Variants in IBTK observed in about 807,000 individuals in gnomAD.
IBTK encodes the protein inhibitor of Bruton tyrosine kinase.
IBTK carries 83 observed loss-of-function variants against 154.9 expected under a neutral mutation model. That is an observed-to-expected ratio of 0.54 (90% CI 0.45 to 0.64). The LOEUF (loss-of-function observed/expected upper bound fraction) is 0.64. Ranked by LOEUF, IBTK falls within the 30% of genes least tolerant of loss-of-function variation. The pLI, the probability that IBTK is intolerant of heterozygous loss-of-function variation, is 0.00. For synonymous variants in IBTK, 515 were observed against 536.1 expected (o/e 0.96, Z 0.54); for missense variants, 1,332 against 1,584.6 (o/e 0.84, Z 2.71).
rs775526263 is a variant in IBTK at position 82,218,014 on chromosome 6, C to T, written c.1372G>A (p.Glu458Lys). The change falls in exon 10 of 29, where the codon GAA (glutamate) becomes AAA (lysine). Residue 458 changes from glutamate (E) to lysine (K), a missense_variant. Around this residue, in one of 3 missense-constraint regions of IBTK, gnomAD observed 1,134 missense variants for 1,274.7 expected, o/e 0.89. Transcript: ENST00000306270. ...TCAAACCATCTCCCTCTAAATCCTT[C>T]TCCATCTTGCGTAACAAATAGAATT... ...NEILFVTQDG[E>K]GFRGRWFEEK... 3 of 1,611,774 alleles carry T rather than the reference C, an allele frequency of 1.9e-6. No homozygotes were observed. The highest frequency in any genetic ancestry group is 2.5e-6 in the Non-Finnish European group (3 of 1,179,024).
chr6:82,244,020 C>T (rs1771052338), intron 1 of IBTK, among the ~76,000 whole-genome samples: 1 of 152,070 alleles, frequency 6.6e-6, no homozygotes, highest in Admixed American at 6.6e-5. Context: ...GTTTTACATA[C>T]ATAGATTCAA....
At chr6:82,202,679 A>G (rs1388236495) in intron 17 of IBTK, 34 bp from the exon 18 acceptor site, 12 of 1,128,070 alleles carry the variant, frequency 1.1e-5, no homozygotes, top group East Asian at 7.5e-5. Context: ...AAAATTAGAT[A>G]AAAGGCACAT....
At chr6:82,191,986 T>C (rs937701367) in intron 23 of IBTK, 107 bp from the exon 24 acceptor site, 5 of 627,780 alleles carry the variant, frequency 8.0e-6, no homozygotes, top group Admixed American at 3.3e-5. Context: ...AATCAGAGTA[T>C]AATTTAGATT....
chr6:82,216,644 T>C (rs1020234001), intron 10 of IBTK, among the ~76,000 whole-genome samples: 2 of 152,186 alleles, frequency 1.3e-5, no homozygotes, highest in Non-Finnish European at 2.9e-5. Flanking sequence ...TCTACTGTCT[T>C]CATAATCTGC....
At chr6:82,245,294 C>T (rs1238216221) in intron 1 of IBTK, among the ~76,000 whole-genome samples, 1 of 152,166 alleles carries the variant, frequency 6.6e-6, no homozygotes, top group Non-Finnish European at 1.5e-5. Flanking sequence ...CACAGTGGCT[C>T]ATGCCTGTAG....
At chr6:82,238,539 G>C (rs1233999351) in intron 2 of IBTK, among the ~76,000 whole-genome samples, 1 of 151,918 alleles carries the variant, frequency 6.6e-6, no homozygotes, top group East Asian at 2.0e-4. Context: ...CTGGGTTCAA[G>C]TGATTCTCCT....
At chr6:82,193,095 CA>C (rs1340087241) in intron 23 of IBTK, among the ~76,000 whole-genome samples, 1,639 of 107,612 alleles carry the variant, frequency 0.015, 18 homozygotes, top group African/African-American at 0.039. Context: ...AAGACTGTCT[CA>C]AAAAAAAAAA....
chr6:82,230,829 T>G (rs75237699), intron 4 of IBTK, among the ~76,000 whole-genome samples: 1 of 152,120 alleles, frequency 6.6e-6, no homozygotes, highest in Non-Finnish European at 1.5e-5. Flanking sequence ...TCTGGGGAAG[T>G]AGAAGATATC....
chr6:82,223,790 C>G (rs112373705), intron 7 of IBTK, among the ~76,000 whole-genome samples, 170 bp from the exon 8 acceptor site: 6,262 of 152,232 alleles, frequency 0.041, 234 homozygotes, highest in South Asian at 0.15. Flanking sequence ...GAAACCCCAT[C>G]TCTACAAAAA....
In IBTK at chr6:82,181,989, C is replaced by T. The variant is rs1302756074; in HGVS notation, c.3615G>A (p.Arg1205=). ...ACTTTTTTTCTTCTAGTAAGAAATC[C>T]CGGAATGACTTGGATGAAACTGAAT... ...SLHSVSSKSF[R]DFLLEEKKSV... is the part of the protein sequence containing the mutation. Residue 1205 remains arginine (R), a synonymous_variant, in exon 26 of 29, where the codon CGG becomes CGA. Coordinates refer to ENST00000306270, the MANE Select transcript of IBTK (RefSeq NM_015525.4). 16 of 1,605,606 alleles carry T rather than the reference C, an allele frequency of 1.0e-5. No homozygotes were observed. The highest frequency in any genetic ancestry group is 1.3e-5 in the Non-Finnish European group (15 of 1,178,256).
intron 25 of IBTK, among the ~76,000 whole-genome samples, chr6:82,186,321 T>G (rs1768554360): frequency 6.6e-6 from 1 of 152,146 alleles, no homozygotes; most frequent in East Asian, 1.9e-4. Flanking sequence ...CTAGAAATAA[T>G]TAAGCTTAGT....
intron 23 of IBTK, among the ~76,000 whole-genome samples, chr6:82,192,907 G>A (rs925208246): frequency 1.3e-5 from 2 of 151,844 alleles, no homozygotes; most frequent in Non-Finnish European, 2.9e-5. Context: ...AGACCAGTCT[G>A]GCCAACATGG....
At chr6:82,238,181 T>C (rs999015681) in intron 2 of IBTK, among the ~76,000 whole-genome samples, 2 of 151,470 alleles carry the variant, frequency 1.3e-5, no homozygotes, top group Admixed American at 6.6e-5. Context: ...GAGGTGGAGG[T>C]TGCAGTGAGC....
chr6:82,199,373 G>A (rs1274690187), intron 21 of IBTK, among the ~76,000 whole-genome samples: 1 of 150,326 alleles, frequency 6.7e-6, no homozygotes, highest in African/African-American at 2.5e-5. Context: ...AGGTGTTCAT[G>A]GTATTTTTCT....
Position 82,196,358 on chromosome 6 carries a change from A to ACCCACT in IBTK, c.3108_3113dup (p.Val1037_Gly1038dup), listed in dbSNP as rs770057275. On this transcript the variant is annotated inframe_insertion, in exon 22 of 29. Coordinates refer to ENST00000306270, the MANE Select transcript of IBTK (RefSeq NM_015525.4). ...CAGGGGACTGTAAATCTCTAGGACTACCCACTCCTGCATAGCTTCCTTCAG... is the reference window on the plus strand; with the variant it reads ...CAGGGGACTGTAAATCTCTAGGACTACCCACTCCCACTCCTGCATAGCTTCCTTCAG... The ACCCACT allele has an allele frequency of 6.2e-7, 1 of 1,613,032 alleles. No homozygotes were observed. Among genetic ancestry groups the ACCCACT allele is most frequent in the Non-Finnish European group, 8.5e-7 (1 of 1,179,366 alleles).
chr6:82,240,054 A>C, intron 2 of IBTK, 112 bp downstream of exon 2: 4 of 818,054 alleles, frequency 4.9e-6, no homozygotes, highest in Non-Finnish European at 7.6e-6. Flanking sequence ...GAGATAGCAA[A>C]CAAGCAAGAA....
In IBTK at chr6:82,188,303, GCTTT is replaced by G. The variant is rs370652322; in HGVS notation, c.3575+2766_3575+2769del. ...GGATGTAAATCAATGGCTATTTTTA[GCTTT>G]CTTTTTTTTGGTTGATTGGTTTATT... On this transcript the variant is annotated intron_variant, in intron 25 of 28. Transcript: ENST00000306270. 6.6e-3 allele frequency among the ~76,000 whole-genome samples: 1,002 copies of G among 152,172 alleles called. 9 individuals are homozygous for G. Among genetic ancestry groups the G allele is most frequent in the African/African-American group, 0.023 (939 of 41,516 alleles).
rs1020444226 is a variant in IBTK, at chr6:82,247,607, T to A, written c.-403A>T. The A allele has an allele frequency of 5.5e-5, 22 of 398,632 alleles. No individual in the cohort carries two copies. In the Middle Eastern group the frequency reaches 1.9e-3, roughly 34 times the overall value. 24.7% of individuals were successfully genotyped at this position (398,632 alleles called of 1,614,324 possible). A position where few individuals can be genotyped will look rare whatever the true frequency, so the allele number is the denominator to read the frequency against. ...GCCGGTGGATTCCGCAGGGTCCACA[T>A]AGAGCCACAAAGGGACTCATCCTCA... is the stretch of plus-strand genomic sequence containing the variant. On this transcript the variant is annotated 5_prime_UTR_variant, in exon 1 of 29. An upstream start codon of the reference 5' UTR is lost. Coordinates refer to ENST00000306270, the MANE Select transcript of IBTK (RefSeq NM_015525.4).
rs1377464784 is a variant in IBTK at position 82,187,970 on chromosome 6, G to A, written c.3575+3103C>T. Among the ~76,000 whole-genome samples, 6 of 152,170 alleles carry A rather than the reference G, an allele frequency of 3.9e-5. No homozygotes were observed. The East Asian group carries it at 1.2e-3, about 29-fold the overall frequency. ...CCCAGCTCTAACCTCCCTACACTGA[G>A]ATACGCTTCCAGAATGCTAGCAACA... On this transcript the variant is annotated intron_variant, in intron 25 of 28. Transcript: ENST00000306270.
Sources: allele counts gnomAD v4.1 joint callset (sites outside exome capture counted in the v4.1 genomes callset), GRCh38; gene constraint gnomAD v4.1.1; regional missense constraint gnomAD v4.1.1; transcripts MANE v1.5; gene names NCBI Gene and HGNC (gene_info 2026-07-23, HGNC 2026-07-21).